Variants in ZNF541 observed in about 807,000 individuals in gnomAD.
ZNF541 encodes the protein zinc finger protein 541.
A neutral mutation model predicts 123.5 loss-of-function variants in ZNF541; 23 were observed. The ratio of observed to expected loss-of-function variants is 0.19; its 90% CI spans 0.13 to 0.26. ZNF541 has a LOEUF of 0.26. Ranked by LOEUF, ZNF541 falls within the 10% of genes least tolerant of loss-of-function variation. The pLI is 1.00. For missense variants in ZNF541, 1,612 were observed against 1,789.9 expected (o/e 0.90, Z 1.79); for synonymous variants, 751 against 754.5 (o/e 1.00, Z 0.08).
At chr19:47,531,788 T>A (rs976331507) in intron 11 of ZNF541, 43 bp from the exon 12 acceptor site, 1 of 1,491,968 alleles carries the variant, frequency 6.7e-7, no homozygotes, top group African/African-American at 1.4e-5. Context: ...CACACAGGAG[T>A]CATCAGGTGC....
chr19:47,544,095 C>T (rs1970197227), intron 5 of ZNF541, 31 bp downstream of exon 5: 1 of 1,511,394 alleles, frequency 6.6e-7, no homozygotes, highest in Non-Finnish European at 8.9e-7. Flanking sequence ...TCACTCCACT[C>T]TGGTCAGGCC....
At chr19:47,560,238 G>C (rs1016262563) in intron 2 of ZNF541, among the ~76,000 whole-genome samples, 2 of 152,146 alleles carry the variant, frequency 1.3e-5, no homozygotes, top group Non-Finnish European at 2.9e-5. Context: ...CTAAAAGCCA[G>C]GGAGGAAAAG....
Position 47,539,837 on chromosome 19 carries a change from C to A in ZNF541, c.2664G>T (p.Leu888=), listed in dbSNP as rs1056915684. ...TEFCKPLRQV[L]RPEGDRHSPP... is the part of the protein sequence containing the mutation. ...GACTATGCCTGTCCCCTTCTGGCCT[C>A]AGCACCTGTCTTAGCGGCTTGCAAA... is the stretch of plus-strand genomic sequence containing the variant. Residue 888 remains leucine, a synonymous_variant, in exon 8 of 17, where the codon CTG becomes CTT. Coordinates refer to ENST00000391901, the MANE Select transcript of ZNF541 (RefSeq NM_001277075.3). 2 of 1,511,558 alleles carry A rather than the reference C, an allele frequency of 1.3e-6. No homozygotes were observed. Among genetic ancestry groups the A allele is most frequent in the Non-Finnish European group, 1.8e-6 (2 of 1,135,922 alleles). The allele number at this position is 1,511,558 out of a possible 1,614,324, so 93.6% of individuals were successfully genotyped here.
intron 9 of ZNF541, among the ~76,000 whole-genome samples, chr19:47,534,871 T>C (rs1190295302): frequency 1.3e-5 from 2 of 152,096 alleles, no homozygotes; most frequent in Non-Finnish European, 2.9e-5. Context: ...GAACTGCATA[T>C]ACACATGCAA....
intron 2 of ZNF541, among the ~76,000 whole-genome samples, chr19:47,567,701 C>T (rs1005724051): frequency 7.2e-5 from 11 of 152,192 alleles, no homozygotes; most frequent in African/African-American, 2.7e-4. Flanking sequence ...AATGCTGAGT[C>T]CACATTCCTG....
At chr19:47,531,119 A>G (rs1969546417) in intron 12 of ZNF541, among the ~76,000 whole-genome samples, 1 of 150,952 alleles carries the variant, frequency 6.6e-6, no homozygotes, top group Non-Finnish European at 1.5e-5. Context: ...AGGTTGGTGA[A>G]AAGCAAGACC....
In ZNF541 at chr19:47,521,707, G is replaced by T; in HGVS notation, c.3712-53C>A. On this transcript the variant is annotated intron_variant, in intron 15 of 16. Coordinates refer to ENST00000391901, the MANE Select transcript of ZNF541 (RefSeq NM_001277075.3). The surrounding 1 kb of genome is among the most constrained non-coding windows in gnomAD (Gnocchi z 4.2). ...GGTGCTGACCTGTCCTGCTGTAAGA[G>T]AGACACAGAGCTGGGGGCATACGTG... 8 of 1,539,578 alleles carry T rather than the reference G, an allele frequency of 5.2e-6. No individual in the cohort carries two copies. Among genetic ancestry groups the T allele is most frequent in the Non-Finnish European group, 7.0e-6 (8 of 1,139,306 alleles).
In ZNF541 at chr19:47,528,939, A is replaced by G. The variant is rs1457723265; in HGVS notation, c.3570+11T>C. The G allele has an allele frequency of 6.5e-7, 1 of 1,549,512 alleles. No individual in the cohort carries two copies. Among genetic ancestry groups the G allele is most frequent in the Non-Finnish European group, 8.7e-7 (1 of 1,145,188 alleles). On this transcript the variant is annotated intron_variant, in intron 14 of 16. Transcript: ENST00000391901. The stretch of plus-strand genomic sequence containing the variant: ...GGCAGGGCCTTGGACACCAGCCCAC[A>G]TTCACTTTACCATCTTGTGTATCAA...
rs567345337 is a variant in ZNF541 at position 47,544,584 on chromosome 19, C to A, written c.1945G>T (p.Gly649Trp). The A allele has an allele frequency of 3.6e-5, 56 of 1,551,546 alleles. 1 individual carries two copies. The South Asian group carries it at 4.4e-4, about 12-fold the overall frequency. Residue 649 changes from glycine to tryptophan, a missense_variant, in exon 5 of 17, where the codon GGG becomes TGG. Around this residue, in one of 5 missense-constraint regions of ZNF541, gnomAD observed 1,080 missense variants for 1,013.8 expected, o/e 1.07. Transcript: ENST00000391901. ...SPGSTRRDAK[G>W]GLKVAAVPTP... is the part of the protein sequence containing the mutation. Reference sequence around the variant, plus strand: ...GGAACCGCGGCCACTTTCAGTCCCCCCTTTGCGTCTCGTCTCGTGCTGCCG... The same window carrying A: ...GGAACCGCGGCCACTTTCAGTCCCCACTTTGCGTCTCGTCTCGTGCTGCCG...
chr19:47,520,963 G>A lies in ZNF541; in HGVS notation c.*261C>T. 1 of 453,934 alleles carries A rather than the reference G, an allele frequency of 2.2e-6. No homozygotes were observed. Among genetic ancestry groups the A allele is most frequent in the Non-Finnish European group, 4.0e-6 (1 of 252,014 alleles). The allele number at this position is 453,934 out of a possible 1,614,324, so 28.1% of individuals were successfully genotyped here. ...CTCCCCAAGCCTCCCTGCTCTAGAA[G>A]TGGAAGGGAAAGAAGGGGAGAGACT... On this transcript the variant is annotated 3_prime_UTR_variant, in exon 17 of 17. Transcript: ENST00000391901.
At position 47,545,800 on chromosome 19, in the gene ZNF541, G is replaced by A; in HGVS notation, c.729C>T (p.His243=). The A allele has an allele frequency of 6.5e-7, 1 of 1,543,818 alleles. No individual in the cohort carries two copies. ...TGGGGGGCGGCTGGCCGGCCGACTC[G>A]TGGGCGTGGGGGGAGTCCCCGCAGG... ...EEACGDSPHA[H]ESAGQPPPSS... The change falls in exon 5 of 17, where the codon CAC becomes CAT. Residue 243 remains histidine, a synonymous_variant. Coordinates refer to ENST00000391901, the MANE Select transcript of ZNF541 (RefSeq NM_001277075.3). This position sits in a 1 kb window ranked among gnomAD's most constrained non-coding sequence, Gnocchi z 7.5.
At chr19:47,541,135 T>G (rs895128686) in intron 5 of ZNF541, among the ~76,000 whole-genome samples, 184 bp from the exon 6 acceptor site, 1 of 152,152 alleles carries the variant, frequency 6.6e-6, no homozygotes, top group African/African-American at 2.4e-5. Context: ...GTAAAACTTT[T>G]AGCCAGGCGT....
intron 8 of ZNF541, among the ~76,000 whole-genome samples, chr19:47,538,779 A>G (rs1331724827): frequency 6.6e-6 from 1 of 152,118 alleles, no homozygotes; most frequent in Non-Finnish European, 1.5e-5. Context: ...CCCAAATGAC[A>G]AGCACCGAAA....
At chr19:47,553,408 C>CT (rs1291200798) in intron 3 of ZNF541, among the ~76,000 whole-genome samples, 3,257 of 116,878 alleles carry the variant, frequency 0.028, 131 homozygotes, top group African/African-American at 0.087. Context: ...CAGGCTAATT[C>CT]TTTTTTTTTT....
rs1183617275 is a variant in ZNF541, at chr19:47,544,981, G to A, written c.1548C>T (p.Pro516=). The A allele has an allele frequency of 1.0e-5, 16 of 1,531,036 alleles. No homozygotes were observed. Among genetic ancestry groups the A allele is most frequent in the African/African-American group, 6.9e-5 (5 of 72,778 alleles). The allele number at this position is 1,531,036 out of a possible 1,614,324, so 94.8% of individuals were successfully genotyped here. The part of the protein sequence containing the change: ...VDCDSFLCQN[P]GEPGLQEAQK... ...GGGCCTCCTGGAGGCCGGGCTCCCC[G>A]GGGTTCTGGCACAGGAAGGAGTCGC... is the stretch of plus-strand genomic sequence containing the variant. The change falls in exon 5 of 17, where the codon CCC becomes CCT. Residue 516 remains proline, a synonymous_variant. Coordinates refer to ENST00000391901, the MANE Select transcript of ZNF541 (RefSeq NM_001277075.3).
At position 47,569,224 on chromosome 19, in the gene ZNF541, G is replaced by T. The variant is rs181483594; in HGVS notation, c.-99+2672C>A. Among the ~76,000 whole-genome samples, 62 of 152,078 alleles carry T rather than the reference G, an allele frequency of 4.1e-4. 1 individual carries two copies. Among genetic ancestry groups the T allele is most frequent in the African/African-American group, 1.4e-3 (60 of 41,486 alleles). The stretch of plus-strand genomic sequence containing the variant: ...TTTCCCAGCCCTCACTTATCTTCCT[G>T]CCTGGCCCTTATAATATTCATCATT... On this transcript the variant is annotated intron_variant, in intron 2 of 16. Coordinates refer to ENST00000391901, the MANE Select transcript of ZNF541 (RefSeq NM_001277075.3).
chr19:47,520,969 G>A lies in ZNF541; in HGVS notation c.*255C>T, dbSNP rs1205905875. 4 of 462,194 alleles carry A rather than the reference G, an allele frequency of 8.7e-6. No individual in the cohort carries two copies. The highest frequency in any genetic ancestry group is 1.6e-5 in the Non-Finnish European group (4 of 257,342). 28.6% of individuals were successfully genotyped at this position (462,194 alleles called of 1,614,324 possible). On this transcript the variant is annotated 3_prime_UTR_variant, in exon 17 of 17. Transcript: ENST00000391901. Reference sequence around the variant, plus strand: ...AAGCCTCCCTGCTCTAGAAGTGGAAGGGAAAGAAGGGGAGAGACTATGAAC... The same window carrying A: ...AAGCCTCCCTGCTCTAGAAGTGGAAAGGAAAGAAGGGGAGAGACTATGAAC...
In ZNF541 at chr19:47,538,740, G is replaced by GT. The variant is rs917302444; in HGVS notation, c.2797-302dup. Among the ~76,000 whole-genome samples the GT allele has an allele frequency of 2.6e-5, 4 of 152,152 alleles. 1 individual carries two copies. The highest frequency in any genetic ancestry group is 5.9e-5 in the Non-Finnish European group (4 of 68,014). ...AGAGAGAGATCCCCAGAGATACAGT[G>GT]TGACGGTGAAGAAAGAAATGCTGCT... On this transcript the variant is annotated intron_variant, in intron 8 of 16. Coordinates refer to ENST00000391901, the MANE Select transcript of ZNF541 (RefSeq NM_001277075.3).
In ZNF541 at chr19:47,532,768, G is replaced by A. The variant is rs544041645; in HGVS notation, c.3158+141C>T. On this transcript the variant is annotated intron_variant, in intron 10 of 16. Transcript: ENST00000391901. ...TTGGGGGATCTTCCTACATATATTT[G>A]GAAAAATCTACCGCTTCACGCCTAG... 6.3e-4 allele frequency: 363 copies of A among 579,898 alleles called. 1 individual carries two copies. The highest frequency in any genetic ancestry group is 5.6e-3 in the African/African-American group (294 of 52,286). 35.9% of individuals were successfully genotyped at this position (579,898 alleles called of 1,614,324 possible). A position where few individuals can be genotyped will look rare whatever the true frequency, so the allele number is the denominator to read the frequency against.
Sources: allele counts gnomAD v4.1 joint callset (sites outside exome capture counted in the v4.1 genomes callset), GRCh38; gene constraint gnomAD v4.1.1; regional missense constraint gnomAD v4.1.1; non-coding constraint Gnocchi (gnomAD v3.1); transcripts MANE v1.5; gene names NCBI Gene and HGNC (gene_info 2026-07-23, HGNC 2026-07-21).